The following ASIC2 variants were observed in gnomAD, a reference collection of about 807,000 sequenced individuals.
The protein encoded by ASIC2 is acid sensing ion channel subunit 2.
Under a neutral mutation model 57.3 loss-of-function variants are expected in ASIC2, and 25 were observed. That is an observed-to-expected ratio of 0.44 (90% CI 0.32 to 0.61). The LOEUF is 0.61. Among genes scored for constraint, ASIC2 ranks in the 20% least tolerant of loss-of-function variants. The probability of loss-of-function intolerance (pLI) is 0.06; values close to 1 mark genes in which losing one functional copy is unlikely to be tolerated. For missense variants in ASIC2, 641 were observed against 738.1 expected (o/e 0.87, Z 1.52); for synonymous variants, 319 against 307.5 (o/e 1.04, Z -0.39).
chr17:34,155,371 C>T (rs778425327), intron 1 of ASIC2, among the ~76,000 whole-genome samples: 11 of 152,068 alleles, frequency 7.2e-5, no homozygotes, highest in Non-Finnish European at 1.5e-4. Context: ...CTCTCCTCTC[C>T]CCACATGGAG....
At chr17:33,287,466 C>T (rs1379334294) in intron 1 of ASIC2, among the ~76,000 whole-genome samples, 1 of 152,234 alleles carries the variant, frequency 6.6e-6, no homozygotes, top group South Asian at 2.1e-4. Context: ...CACCCAATTA[C>T]TGGGAAGGCT....
At chr17:33,561,672 G>C (rs1235446965) in intron 1 of ASIC2, among the ~76,000 whole-genome samples, 4 of 152,184 alleles carry the variant, frequency 2.6e-5, no homozygotes, top group Non-Finnish European at 5.9e-5. Context: ...GCGTGAGCTA[G>C]AACATATGCT....
At chr17:33,567,997 C>A (rs1428046501) in intron 1 of ASIC2, among the ~76,000 whole-genome samples, 4 of 152,176 alleles carry the variant, frequency 2.6e-5, no homozygotes, top group African/African-American at 9.7e-5. Context: ...GGATATCCTT[C>A]TTTTCATTAC....
intron 1 of ASIC2, among the ~76,000 whole-genome samples, chr17:33,962,124 T>C (rs1371993857): frequency 6.6e-6 from 1 of 152,182 alleles, no homozygotes; most frequent in Non-Finnish European, 1.5e-5. Flanking sequence ...AGTCCAGTTC[T>C]GTGGGCCTGC....
chr17:33,037,147 A>AT (rs1491054737), intron 3 of ASIC2, among the ~76,000 whole-genome samples: 2 of 140,978 alleles, frequency 1.4e-5, no homozygotes, highest in African/African-American at 5.3e-5. Flanking sequence ...AAAAAAAAAA[A>AT]AGAATTGGTT....
intron 1 of ASIC2, among the ~76,000 whole-genome samples, chr17:33,365,402 A>C (rs1368159775): frequency 6.6e-6 from 1 of 150,886 alleles, no homozygotes; most frequent in Non-Finnish European, 1.5e-5. Flanking sequence ...TTGATTCCCT[A>C]GTGTTTCCTG....
Position 34,140,884 on chromosome 17 carries a change from CAATG to C in ASIC2, c.555+15090_555+15093del, listed in dbSNP as rs1912254825. On this transcript the variant is annotated intron_variant, in intron 1 of 9. Transcript: ENST00000359872. ...TTGTAATAATTCAAGCAAGAGAAATCAATGGATGATAAAACCAGAGGGTGAGACA... is the reference window on the plus strand; with the variant it reads ...TTGTAATAATTCAAGCAAGAGAAATCGATGATAAAACCAGAGGGTGAGACA... Among the ~76,000 whole-genome samples the C allele has an allele frequency of 3.3e-5, 5 of 152,090 alleles. No individual in the cohort carries two copies. In the South Asian group the frequency reaches 1.0e-3, roughly 32 times the overall value.
intron 1 of ASIC2, among the ~76,000 whole-genome samples, chr17:33,799,394 C>CTTTTCT (rs769228496): frequency 5.3e-4 from 58 of 110,114 alleles, no homozygotes; most frequent in African/African-American, 2.1e-3. Flanking sequence ...TTCTTTCTTT[C>CTTTTCT]TTTCTTTCTT....
chr17:33,516,135 CA>C (rs2141952119), intron 1 of ASIC2, among the ~76,000 whole-genome samples: 1 of 151,832 alleles, frequency 6.6e-6, no homozygotes, highest in East Asian at 1.9e-4. Context: ...CAAAACAAAA[CA>C]AAACAAAACA....
At chr17:33,335,226 C>T (rs947413318) in intron 1 of ASIC2, among the ~76,000 whole-genome samples, 10 of 152,294 alleles carry the variant, frequency 6.6e-5, no homozygotes, top group African/African-American at 2.2e-4. Flanking sequence ...TGATATGCTC[C>T]CAGTCCACTG....
intron 1 of ASIC2, among the ~76,000 whole-genome samples, chr17:33,742,585 A>G (rs1400684934): frequency 6.6e-6 from 1 of 152,234 alleles, no homozygotes; most frequent in Non-Finnish European, 1.5e-5. Flanking sequence ...GGGCAGGTAG[A>G]CAAATGAATG....
At chr17:33,054,099 A>AG (rs1037932653) in intron 3 of ASIC2, among the ~76,000 whole-genome samples, 18 of 152,066 alleles carry the variant, frequency 1.2e-4, no homozygotes, top group African/African-American at 4.3e-4. Flanking sequence ...TTCAAGGCTC[A>AG]GTTTGTGCCC....
chr17:33,402,991 G>A (rs550498886), intron 1 of ASIC2, among the ~76,000 whole-genome samples: 101 of 152,296 alleles, frequency 6.6e-4, no homozygotes, highest in African/African-American at 2.4e-3. Flanking sequence ...GGAGAAATAG[G>A]AACGCTTTTA....
chr17:33,358,475 A>G (rs1050764172), intron 1 of ASIC2, among the ~76,000 whole-genome samples: 2 of 152,228 alleles, frequency 1.3e-5, no homozygotes, highest in African/African-American at 4.8e-5. Flanking sequence ...ATTATCATTC[A>G]TTCATTCACG....
At position 33,320,094 on chromosome 17, in the gene ASIC2, A is replaced by G. The variant is rs115629744; in HGVS notation, c.556-208027T>C. ...GGAGCAGTAAAAAGCAGGAGTTAAT[A>G]GAAGCCACACCAGCCTCAGCAGCAT... On this transcript the variant is annotated intron_variant, in intron 1 of 9. Transcript: ENST00000359872. Among the ~76,000 whole-genome samples the G allele has an allele frequency of 2.9e-3, 448 of 152,312 alleles. 2 individuals are homozygous for G. The highest frequency in any genetic ancestry group is 0.011 in the African/African-American group (442 of 41,570).
chr17:33,970,925 A>G (rs1374839537), intron 1 of ASIC2, among the ~76,000 whole-genome samples: 1 of 152,164 alleles, frequency 6.6e-6, no homozygotes, highest in Non-Finnish European at 1.5e-5. Context: ...CAGCAGATTC[A>G]TCGCCCTTCA....
chr17:33,787,333 A>G (rs1911636329), intron 1 of ASIC2, among the ~76,000 whole-genome samples: 2 of 152,226 alleles, frequency 1.3e-5, no homozygotes, highest in African/African-American at 4.8e-5. Flanking sequence ...CACCTGCTGA[A>G]GAAGGTGTGT....
intron 1 of ASIC2, among the ~76,000 whole-genome samples, chr17:33,269,245 T>C (rs1303199316): frequency 6.6e-6 from 1 of 152,206 alleles, no homozygotes; most frequent in Admixed American, 6.5e-5. Flanking sequence ...CACTCACACA[T>C]GATGGAGGCT....
At chr17:33,028,509 C>A (rs1003759073) in intron 3 of ASIC2, 117 bp from the exon 4 acceptor site, 7 of 1,265,714 alleles carry the variant, frequency 5.5e-6, no homozygotes, top group Non-Finnish European at 6.5e-6. Context: ...ACTTTATAGA[C>A]CTTCAACATC....
Sources: allele counts gnomAD v4.1 joint callset (sites outside exome capture counted in the v4.1 genomes callset), GRCh38; gene constraint gnomAD v4.1.1; transcripts MANE v1.5; gene names NCBI Gene and HGNC (gene_info 2026-07-23, HGNC 2026-07-21).